The following LRRTM4 variants were observed in gnomAD, a reference collection of about 807,000 sequenced individuals.
LRRTM4 encodes the protein leucine-rich repeat transmembrane neuronal protein 4.
A neutral mutation model predicts 47.6 loss-of-function variants in LRRTM4; 25 were observed. The observed-to-expected ratio is 0.53, with a 90% CI of 0.38 to 0.73. LRRTM4 has a LOEUF of 0.73. Among genes scored for constraint, LRRTM4 ranks in the 30% least tolerant of loss-of-function variants. LRRTM4 has a pLI of 0.00. For missense variants in LRRTM4, 638 were observed against 713.4 expected (o/e 0.89, Z 1.20); for synonymous variants, 311 against 269.5 (o/e 1.15, Z -1.51).
chr2:76,923,134 C>G (rs548272168), intron 3 of LRRTM4, among the ~76,000 whole-genome samples: 1 of 151,994 alleles, frequency 6.6e-6, no homozygotes, highest in African/African-American at 2.4e-5. Flanking sequence ...CTGTCAATGT[C>G]TTTGTATGTC....
At chr2:77,483,051 G>A (rs1379013873) in intron 3 of LRRTM4, among the ~76,000 whole-genome samples, 1 of 136,738 alleles carries the variant, frequency 7.3e-6, no homozygotes, top group Non-Finnish European at 1.5e-5. Context: ...AACCTGAGAG[G>A]CAGAGGTTGC....
intron 3 of LRRTM4, among the ~76,000 whole-genome samples, chr2:77,021,700 G>C (rs981219025): frequency 1.3e-5 from 2 of 152,110 alleles, no homozygotes; most frequent in Non-Finnish European, 2.9e-5. Flanking sequence ...GTTAGCAAAA[G>C]AAAGTTTCAA....
At chr2:76,981,303 TTAAC>T (rs1264945722) in intron 3 of LRRTM4, among the ~76,000 whole-genome samples, 1 of 152,128 alleles carries the variant, frequency 6.6e-6, no homozygotes, top group Non-Finnish European at 1.5e-5. Context: ...AAATTATTTC[TTAAC>T]TATCTCTCAC....
chr2:76,863,312 G>C (rs1444616182), intron 3 of LRRTM4, among the ~76,000 whole-genome samples: 2 of 152,116 alleles, frequency 1.3e-5, no homozygotes, highest in African/African-American at 4.8e-5. Context: ...CTTATTTGAG[G>C]AAAGTATTTC....
At chr2:77,030,034 ACTT>A (rs1363719997) in intron 3 of LRRTM4, among the ~76,000 whole-genome samples, 2 of 152,220 alleles carry the variant, frequency 1.3e-5, no homozygotes, top group East Asian at 1.9e-4. Flanking sequence ...TATGATTTAA[ACTT>A]CTTTTAAAAA....
At chr2:76,766,722 A>G (rs1350165418) in intron 3 of LRRTM4, among the ~76,000 whole-genome samples, 6 of 152,140 alleles carry the variant, frequency 3.9e-5, no homozygotes, top group African/African-American at 1.4e-4. Context: ...GTAGTTGTCA[A>G]CCTGTGGCAA....
chr2:76,995,973 T>C (rs1479951116), intron 3 of LRRTM4, among the ~76,000 whole-genome samples: 1 of 152,072 alleles, frequency 6.6e-6, no homozygotes, highest in Non-Finnish European at 1.5e-5. Context: ...TACGAAGGTA[T>C]GCAGATAATG....
chr2:77,281,749 C>G (rs1355714315), intron 3 of LRRTM4, among the ~76,000 whole-genome samples: 2 of 151,332 alleles, frequency 1.3e-5, no homozygotes, highest in Non-Finnish European at 3.0e-5. Flanking sequence ...AGACAGAAGC[C>G]CAGATGTAGG....
chr2:77,232,490 G>C (rs1293963283), intron 3 of LRRTM4, among the ~76,000 whole-genome samples: 3 of 152,168 alleles, frequency 2.0e-5, no homozygotes, highest in Non-Finnish European at 2.9e-5. Context: ...CTTCTTATGA[G>C]CCTCACAATT....
At chr2:76,863,170 C>G (rs781565029) in intron 3 of LRRTM4, among the ~76,000 whole-genome samples, 9 of 152,000 alleles carry the variant, frequency 5.9e-5, no homozygotes, top group African/African-American at 2.2e-4. Context: ...TAAAATTTTA[C>G]GGAGAGAGAA....
In LRRTM4 at chr2:77,039,620, GA is replaced by G. The variant is rs1678957657; in HGVS notation, c.1552-290705del. ...GGAAATTATCTTATTTTACAATGAT[GA>G]AAAAAGTATAATTTTTATACCATAT... On this transcript the variant is annotated intron_variant, in intron 3 of 3. Transcript: ENST00000409884. Among the ~76,000 whole-genome samples the G allele has an allele frequency of 2.0e-5, 3 of 151,030 alleles. No individual in the cohort carries two copies. In the Admixed American group the frequency reaches 2.0e-4, roughly 10 times the overall value.
At chr2:77,026,743 C>T (rs1029846649) in intron 3 of LRRTM4, among the ~76,000 whole-genome samples, 2 of 151,950 alleles carry the variant, frequency 1.3e-5, no homozygotes, top group African/African-American at 4.8e-5. Flanking sequence ...TATTCACATA[C>T]AAATTGTTTT....
chr2:77,239,383 T>C (rs979106888), intron 3 of LRRTM4, among the ~76,000 whole-genome samples: 1 of 151,844 alleles, frequency 6.6e-6, no homozygotes, highest in Non-Finnish European at 1.5e-5. Flanking sequence ...AAAATTATAT[T>C]AACAGTTTGA....
chr2:76,842,827 C>T (rs1671724884), intron 3 of LRRTM4, among the ~76,000 whole-genome samples: 2 of 152,030 alleles, frequency 1.3e-5, no homozygotes, highest in Admixed American at 6.6e-5. Flanking sequence ...CTGCACCTAT[C>T]AAACCATTGT....
At chr2:77,292,518 TA>T (rs1207003217) in intron 3 of LRRTM4, among the ~76,000 whole-genome samples, 185 of 152,060 alleles carry the variant, frequency 1.2e-3, no homozygotes, top group African/African-American at 4.3e-3. Context: ...TATGCAGCCA[TA>T]AAAAATGATG....
chr2:77,188,526 A>C (rs1028439699), intron 3 of LRRTM4, among the ~76,000 whole-genome samples: 2 of 152,142 alleles, frequency 1.3e-5, no homozygotes, highest in Non-Finnish European at 2.9e-5. Flanking sequence ...TTTCTGTTGC[A>C]GCCGACATTT....
At position 77,518,516 on chromosome 2, in the gene LRRTM4, T is replaced by A. The variant is rs773419362; in HGVS notation, c.1353A>T (p.Pro451=). 1.9e-6 allele frequency: 3 copies of A among 1,613,302 alleles called. No individual in the cohort carries two copies. The highest frequency in any genetic ancestry group is 2.5e-6 in the Non-Finnish European group (3 of 1,179,638). ...GTTGCTGGAGTTGTTTCATGCTGGC[T>A]GGGTAGCGTTTCCAAGACACATAGA... ...LVIYVSWKRY[P]ASMKQLQQHS... Residue 451 remains proline, a synonymous_variant, in exon 3 of 4, where the codon CCA becomes CCT. Coordinates refer to ENST00000409884, the MANE Select transcript of LRRTM4 (RefSeq NM_001134745.3).
chr2:77,050,075 A>G (rs1161889245), intron 3 of LRRTM4, among the ~76,000 whole-genome samples: 1 of 152,076 alleles, frequency 6.6e-6, no homozygotes, highest in Non-Finnish European at 1.5e-5. Context: ...CAGAGGTCAG[A>G]AAGAGTACCC....
At chr2:77,312,740 C>A (rs1677492356) in intron 3 of LRRTM4, among the ~76,000 whole-genome samples, 1 of 151,846 alleles carries the variant, frequency 6.6e-6, no homozygotes, top group Admixed American at 6.6e-5. Context: ...TTCAATAAGC[C>A]TGACCTACAC....
Sources: gnomAD v4.1 joint callset for allele counts (sites outside exome capture counted in the v4.1 genomes callset) on GRCh38, gnomAD v4.1.1 for gene constraint, MANE v1.5 for transcripts, NCBI Gene and HGNC (gene_info 2026-07-23, HGNC 2026-07-21) for gene names.